PDE1C: variants seen among roughly 807,000 people sequenced by gnomAD.
PDE1C encodes the protein dual specificity calcium/calmodulin-dependent 3',5'-cyclic nucleotide phosphodiesterase 1C.
In PDE1C, 62 loss-of-function variants were observed where a neutral mutation model predicts 93.1. The ratio of observed to expected loss-of-function variants is 0.67; its 90% CI spans 0.54 to 0.82. The LOEUF (loss-of-function observed/expected upper bound fraction) is 0.82, where lower values mean the gene tolerates loss of function less well. Ranked by LOEUF, PDE1C falls within the 40% of genes least tolerant of loss-of-function variation. PDE1C has a pLI of 0.00. For missense variants in PDE1C, 742 were observed against 884.6 expected (o/e 0.84, Z 2.04); for synonymous variants, 325 against 310.1 (o/e 1.05, Z -0.50).
At chr7:32,136,316 TA>T (rs1462353821) in intron 3 of PDE1C, among the ~76,000 whole-genome samples, 4 of 151,982 alleles carry the variant, frequency 2.6e-5, no homozygotes, top group Admixed American at 1.3e-4. Flanking sequence ...GACAGATATT[TA>T]AAAAAAATTA....
intron 3 of PDE1C, among the ~76,000 whole-genome samples, chr7:32,166,201 G>A (rs1802259976): frequency 6.6e-6 from 1 of 152,142 alleles, no homozygotes; most frequent in Non-Finnish European, 1.5e-5. Flanking sequence ...CTGGGGAGTT[G>A]GGTGGTGGGG....
At chr7:31,756,658 A>G (rs1794486108) in intron 17 of PDE1C, among the ~76,000 whole-genome samples, 2 of 152,194 alleles carry the variant, frequency 1.3e-5, no homozygotes, top group Admixed American at 6.5e-5. Flanking sequence ...TAAAATACTC[A>G]TTGACTTTTC....
chr7:32,005,000 T>A (rs7783129), intron 2 of PDE1C, among the ~76,000 whole-genome samples: 112 of 152,066 alleles, frequency 7.4e-4, no homozygotes, highest in Middle Eastern at 6.8e-3. Flanking sequence ...CTAGCTCCTA[T>A]GGAGGATGAA....
intron 2 of PDE1C, among the ~76,000 whole-genome samples, chr7:31,931,308 G>A (rs1222253179): frequency 6.6e-6 from 1 of 152,166 alleles, no homozygotes; most frequent in East Asian, 1.9e-4. Flanking sequence ...GTCTCTGTTT[G>A]CAGATGACAT....
In PDE1C at chr7:31,864,894, T is replaced by C. The variant is rs919921160; in HGVS notation, c.750+48A>G. 31 of 1,586,264 alleles carry C rather than the reference T, an allele frequency of 2.0e-5. No homozygotes were observed. In the Admixed American group the frequency reaches 3.7e-4, roughly 19 times the overall value. On this transcript the variant is annotated intron_variant, in intron 7 of 17. Transcript: ENST00000396191. ...AATTGGAACAGTCACCATTAAAAAC[T>C]CATCCTTACATCTTTTGGGGAACCT...
intron 6 of PDE1C, among the ~76,000 whole-genome samples, chr7:31,866,727 C>T (rs1193016028): frequency 6.6e-6 from 1 of 151,964 alleles, no homozygotes; most frequent in Non-Finnish European, 1.5e-5. Flanking sequence ...AGAGGAAACA[C>T]CTAAAGCAAG....
intron 1 of PDE1C, among the ~76,000 whole-genome samples, chr7:32,362,439 G>A (rs1404995307): frequency 6.6e-6 from 1 of 152,116 alleles, no homozygotes; most frequent in African/African-American, 2.4e-5. Context: ...GTCAATTAAT[G>A]TAGAATTTCA....
chr7:31,662,232 A>G, the PDE1C span, among the ~76,000 whole-genome samples: 3 of 152,262 alleles, frequency 2.0e-5, no homozygotes, highest in Non-Finnish European at 4.4e-5. Context: ...AGAACCCAAT[A>G]TCCGCTAAAA....
intron 1 of PDE1C, among the ~76,000 whole-genome samples, chr7:32,067,423 G>A (rs1018109297): frequency 1.3e-5 from 2 of 152,178 alleles, no homozygotes; most frequent in Non-Finnish European, 2.9e-5. Flanking sequence ...GCATTCGGAT[G>A]GTGGGAAGTG....
the PDE1C span, among the ~76,000 whole-genome samples, chr7:31,729,828 A>G: frequency 1.3e-5 from 2 of 152,186 alleles, no homozygotes; most frequent in Non-Finnish European, 1.5e-5. Flanking sequence ...TTGGGGAAGC[A>G]AAATATTTTA....
chr7:31,972,556 A>G (rs1355794120), intron 2 of PDE1C, among the ~76,000 whole-genome samples: 1 of 152,204 alleles, frequency 6.6e-6, no homozygotes, highest in African/African-American at 2.4e-5. Flanking sequence ...AGAATATTTT[A>G]GAAAAAGTAA....
intron 14 of PDE1C, among the ~76,000 whole-genome samples, chr7:31,821,670 T>C (rs1006355692): frequency 6.6e-6 from 1 of 152,154 alleles, no homozygotes; most frequent in African/African-American, 2.4e-5. Flanking sequence ...CCTGAAATGA[T>C]AAGGGTTCAA....
At chr7:32,242,040 G>A (rs1473377929) in intron 1 of PDE1C, among the ~76,000 whole-genome samples, 2 of 152,174 alleles carry the variant, frequency 1.3e-5, no homozygotes, top group Non-Finnish European at 2.9e-5. Context: ...TTGTCTCTCA[G>A]AGTGGGAGAA....
At chr7:31,773,743 C>T (rs550829257) in intron 17 of PDE1C, among the ~76,000 whole-genome samples, 1 of 152,174 alleles carries the variant, frequency 6.6e-6, no homozygotes, top group Admixed American at 6.5e-5. Flanking sequence ...CACCACGTAC[C>T]CAGCTTAGAA....
intron 2 of PDE1C, among the ~76,000 whole-genome samples, chr7:31,950,577 G>A (rs1195538984): frequency 1.3e-5 from 2 of 152,262 alleles, no homozygotes; most frequent in South Asian, 2.1e-4. Context: ...GAGTTTAAGT[G>A]TATGTTCTTT....
chr7:32,331,015 C>G (rs909326022), intron 1 of PDE1C, among the ~76,000 whole-genome samples: 1 of 151,810 alleles, frequency 6.6e-6, no homozygotes, highest in African/African-American at 2.4e-5. Flanking sequence ...CAGCAATGTC[C>G]TCCAAACCCT....
chr7:31,796,078 G>A (rs1785247332), intron 16 of PDE1C, among the ~76,000 whole-genome samples: 1 of 150,200 alleles, frequency 6.7e-6, no homozygotes, highest in Non-Finnish European at 1.5e-5. Flanking sequence ...GTTTTCCTTG[G>A]ACAGGGACAT....
At chr7:31,679,027 A>G in the PDE1C span, among the ~76,000 whole-genome samples, 2 of 152,334 alleles carry the variant, frequency 1.3e-5, no homozygotes, top group East Asian at 3.9e-4. Flanking sequence ...GACTTAGTCT[A>G]CGGCACCAAT....
chr7:31,986,984 T>A (rs1783500991), intron 2 of PDE1C, among the ~76,000 whole-genome samples: 1 of 151,818 alleles, frequency 6.6e-6, no homozygotes, highest in Non-Finnish European at 1.5e-5. Context: ...GAAGAAACGC[T>A]TCTGTTTTAA....
Sources: gnomAD v4.1 joint callset for allele counts (sites outside exome capture counted in the v4.1 genomes callset) on GRCh38, gnomAD v4.1.1 for gene constraint, MANE v1.5 for transcripts, NCBI Gene and HGNC (gene_info 2026-07-23, HGNC 2026-07-21) for gene names.